ADGRL3: variants seen among roughly 807,000 people sequenced by gnomAD.
The protein encoded by ADGRL3 is calcium-independent alpha-latrotoxin receptor 3.
In ADGRL3, 62 loss-of-function variants were observed where a neutral mutation model predicts 153.5. The ratio of observed to expected loss-of-function variants is 0.40; its 90% CI spans 0.33 to 0.50. The LOEUF (loss-of-function observed/expected upper bound fraction) is 0.50, where lower values mean the gene tolerates loss of function less well. Among genes scored for constraint, ADGRL3 ranks in the 20% least tolerant of loss-of-function variants. The pLI is 0.47. For synonymous variants in ADGRL3, 710 were observed against 672.5 expected (o/e 1.06, Z -0.86); for missense variants, 1,641 against 1,859.4 (o/e 0.88, Z 2.16).
chr4:61,770,685 G>A (rs2097074030), intron 8 of ADGRL3, among the ~76,000 whole-genome samples: 1 of 152,136 alleles, frequency 6.6e-6, no homozygotes, highest in African/African-American at 2.4e-5. Flanking sequence ...TAAGACAATG[G>A]TAGTTGTTTT....
chr4:61,655,279 C>G (rs536861224), intron 5 of ADGRL3, among the ~76,000 whole-genome samples: 367 of 152,202 alleles, frequency 2.4e-3, no homozygotes, highest in Non-Finnish European at 4.0e-3. Context: ...AATTCATATT[C>G]AAGTTTGCCT....
intron 11 of ADGRL3, among the ~76,000 whole-genome samples, chr4:61,909,189 C>T (rs2098710434): frequency 6.6e-6 from 1 of 152,112 alleles, no homozygotes; most frequent in South Asian, 2.1e-4. Flanking sequence ...TTGCACTTGC[C>T]TCTGAGAACT....
At chr4:61,401,732 T>C (rs147402861) in intron 2 of ADGRL3, among the ~76,000 whole-genome samples, 3 of 152,216 alleles carry the variant, frequency 2.0e-5, no homozygotes, top group African/African-American at 7.2e-5. Context: ...GTAAGACTAA[T>C]ACTTCTCCCA....
rs1746716561 is a variant in ADGRL3 at position 62,075,052 on chromosome 4, G to A, written c.*4144G>A. On this transcript the variant is annotated 3_prime_UTR_variant, in exon 27 of 27. Coordinates refer to ENST00000683033, the MANE Select transcript of ADGRL3 (RefSeq NM_001387552.1). ...CTACATTACTGTAAAGATCAAAAGG[G>A]AGAGGAAAAATAGTTTACAAGTTTT... 6.6e-6 allele frequency: 1 copy of A among 152,006 alleles called. No homozygotes were observed. Among genetic ancestry groups the A allele is most frequent in the African/African-American group, 2.4e-5 (1 of 41,402 alleles). The allele number at this position is 152,006 out of a possible 1,614,324, so 9.4% of individuals were successfully genotyped here.
In ADGRL3 at chr4:62,031,489, C is replaced by A. The variant is rs1340906285; in HGVS notation, c.3470C>A (p.Thr1157Asn). Residue 1157 changes from threonine (T) to asparagine (N), a missense_variant, in exon 23 of 27, where the codon ACC becomes AAC. Around this residue, in one of 5 missense-constraint regions of ADGRL3, gnomAD observed 517 missense variants for 555.0 expected, o/e 0.93. Transcript: ENST00000683033. The stretch of plus-strand genomic sequence containing the variant: ...GCTCTTCTCTGCCTATTAGGATTGA[C>A]CTGGGCCTTTGGACTCATGTATATT... ...AIALLCLLGL[T>N]WAFGLMYINE... is the part of the protein sequence containing the mutation. The A allele has an allele frequency of 6.2e-7, 1 of 1,610,898 alleles. No homozygotes were observed. Among genetic ancestry groups the A allele is most frequent in the Admixed American group, 1.7e-5 (1 of 59,800 alleles).
At chr4:61,807,349 GT>G (rs2097563364) in intron 8 of ADGRL3, among the ~76,000 whole-genome samples, 1 of 141,948 alleles carries the variant, frequency 7.0e-6, no homozygotes, top group Non-Finnish European at 1.5e-5. Flanking sequence ...TTTTTTTTTA[GT>G]TTTTTTGTAG....
intron 7 of ADGRL3, among the ~76,000 whole-genome samples, chr4:61,732,120 T>C (rs2096453327): frequency 6.6e-6 from 1 of 152,170 alleles, no homozygotes; most frequent in Non-Finnish European, 1.5e-5. Flanking sequence ...TTATTCCTTC[T>C]TTCCTTTCTT....
intron 17 of ADGRL3, among the ~76,000 whole-genome samples, chr4:61,949,455 T>C (rs2098938605): frequency 6.6e-6 from 1 of 152,122 alleles, no homozygotes; most frequent in Non-Finnish European, 1.5e-5. Flanking sequence ...CCCAGCACTT[T>C]GGGAGGCCAA....
At chr4:61,377,033 G>A (rs1476337615) in intron 1 of ADGRL3, among the ~76,000 whole-genome samples, 1 of 152,116 alleles carries the variant, frequency 6.6e-6, no homozygotes, top group Non-Finnish European at 1.5e-5. Context: ...ATCTGTATCT[G>A]TTTACACTGC....
chr4:62,077,174 AAG>A lies in ADGRL3; in HGVS notation c.*6267_*6268del, dbSNP rs962853193. On this transcript the variant is annotated 3_prime_UTR_variant, in exon 27 of 27. Coordinates refer to ENST00000683033, the MANE Select transcript of ADGRL3 (RefSeq NM_001387552.1). ...CCTTTCATTCTAGAATACTAAAGGA[AAG>A]CGTTTGAAAGAAGAGGAAAGTAAAG... The A allele has an allele frequency of 1.6e-4, 24 of 151,966 alleles. No homozygotes were observed. The highest frequency in any genetic ancestry group is 2.9e-4 in the Non-Finnish European group (20 of 67,892). The allele number at this position is 151,966 out of a possible 1,614,324, so 9.4% of individuals were successfully genotyped here. A position where few individuals can be genotyped will look rare whatever the true frequency, so the allele number is the denominator to read the frequency against.
chr4:61,509,432 T>A (rs2152862946), intron 3 of ADGRL3, among the ~76,000 whole-genome samples: 1 of 152,192 alleles, frequency 6.6e-6, no homozygotes, highest in South Asian at 2.1e-4. Flanking sequence ...CTGGCACATA[T>A]CACATCTTAA....
rs557666655 is a variant in ADGRL3, at chr4:61,422,284, A to G, written c.-174+39095A>G. ...AATGTATCAACTTCAATGTCCCTAGAAAGTTAACCAACTACAATATCTTCC... is the reference window on the plus strand; with the variant it reads ...AATGTATCAACTTCAATGTCCCTAGGAAGTTAACCAACTACAATATCTTCC... On this transcript the variant is annotated intron_variant, in intron 2 of 26. Transcript: ENST00000683033. Among the ~76,000 whole-genome samples the G allele has an allele frequency of 3.9e-5, 6 of 152,322 alleles. 1 individual carries two copies. Among genetic ancestry groups the G allele is most frequent in the African/African-American group, 1.2e-4 (5 of 41,590 alleles).
chr4:61,353,822 T>TTTATG lies in ADGRL3; in HGVS notation c.-239-29301_-239-29300insTATGT, dbSNP rs113121530. On this transcript the variant is annotated intron_variant, in intron 1 of 26. Coordinates refer to ENST00000683033, the MANE Select transcript of ADGRL3 (RefSeq NM_001387552.1). ...CAAACAGGGAAAAATTTTAGCATTT[T>TTTATG]TGTAGATGATGGGCATAAATATGTG... is the stretch of plus-strand genomic sequence containing the variant. 4.0e-5 allele frequency among the ~76,000 whole-genome samples: 6 copies of TTTATG among 151,884 alleles called. 1 individual carries two copies.
chr4:61,628,138 T>C (rs1298756032), intron 5 of ADGRL3, among the ~76,000 whole-genome samples: 1 of 152,220 alleles, frequency 6.6e-6, no homozygotes, highest in Non-Finnish European at 1.5e-5. Context: ...ATTAATTTAC[T>C]TAATTCTGTA....
chr4:61,428,831 T>TTATCTATC (rs4038727), intron 2 of ADGRL3, among the ~76,000 whole-genome samples: 1,966 of 135,210 alleles, frequency 0.015, 15 homozygotes, highest in East Asian at 0.032. Context: ...TAGCTATCAT[T>TTATCTATC]TATCTATCTA....
intron 11 of ADGRL3, among the ~76,000 whole-genome samples, chr4:61,899,924 C>T (rs1423453322): frequency 1.3e-5 from 2 of 152,106 alleles, no homozygotes; most frequent in Non-Finnish European, 2.9e-5. Flanking sequence ...TCCCAGCGGC[C>T]CCACCTCTTA....
intron 8 of ADGRL3, among the ~76,000 whole-genome samples, chr4:61,738,117 CA>C (rs949799753): frequency 4.6e-5 from 7 of 152,008 alleles, no homozygotes; most frequent in Non-Finnish European, 7.4e-5. Context: ...TCCACTGTAT[CA>C]TTCTTATGCC....
chr4:61,872,168 C>T (rs944041719), intron 9 of ADGRL3, among the ~76,000 whole-genome samples: 4 of 152,012 alleles, frequency 2.6e-5, no homozygotes, highest in African/African-American at 4.8e-5. Context: ...GTATGGACAC[C>T]GCAAGTGGTT....
intron 8 of ADGRL3, among the ~76,000 whole-genome samples, chr4:61,765,435 G>A (rs892935181): frequency 1.3e-5 from 2 of 152,114 alleles, no homozygotes; most frequent in African/African-American, 4.8e-5. Context: ...TCCTTTTTAA[G>A]TTGGTGGCTG....
Sources: gnomAD v4.1 joint callset for allele counts (sites outside exome capture counted in the v4.1 genomes callset) on GRCh38, gnomAD v4.1.1 for gene constraint, gnomAD v4.1.1 regional missense constraint, MANE v1.5 for transcripts, NCBI Gene and HGNC (gene_info 2026-07-23, HGNC 2026-07-21) for gene names.